Variants in AMOT observed in about 807,000 individuals in gnomAD.
AMOT encodes angiomotin.
Under a neutral mutation model 67.0 loss-of-function variants are expected in AMOT, and 11 were observed. The ratio of observed to expected loss-of-function variants is 0.16; its 90% confidence interval spans 0.10 to 0.27. The LOEUF (loss-of-function observed/expected upper bound fraction) is 0.27, where lower values mean the gene tolerates loss of function less well. AMOT is among the 10% of genes least tolerant of loss of function. The pLI is 1.00. For synonymous variants in AMOT, 326 were observed against 321.4 expected (o/e 1.01, Z -0.15); for missense variants, 753 against 852.0 (o/e 0.88, Z 1.45).
intron 1 of AMOT, among the ~76,000 whole-genome samples, chrX:112,838,583 T>G (rs191102713): frequency 3.1e-3 from 355 of 112,706 alleles, no homozygotes; most frequent in African/African-American, 0.011. Flanking sequence ...CAAATGTCCT[T>G]GTTGGGAATT....
chrX:112,804,310 G>T (rs1377188260), intron 8 of AMOT, among the ~76,000 whole-genome samples: 3 of 110,696 alleles, frequency 2.7e-5, no homozygotes, highest in Non-Finnish European at 5.7e-5. Flanking sequence ...GAAATAAGCT[G>T]TAAACTGTCC....
Position 112,836,639 on chromosome X carries a change from G to A in AMOT, c.-289+3813C>T, listed in dbSNP as rs556783436. ...CTCTTAGGATGATGGAATTCTTGAA[G>A]TTTTGGACAGAGTCTTAGCTTCTTA... On this transcript the variant is annotated intron_variant, in intron 1 of 13. Coordinates refer to ENST00000371959, the MANE Select transcript of AMOT (RefSeq NM_001113490.2). 3.9e-4 allele frequency among the ~76,000 whole-genome samples: 43 copies of A among 110,931 alleles called. 1 individual carries two copies. The highest frequency in any genetic ancestry group is 1.3e-3 in the African/African-American group (41 of 30,520).
chrX:112,832,262 T>G (rs1428044737), intron 2 of AMOT, 32 bp downstream of exon 2: 1 of 111,790 alleles, frequency 8.9e-6, no homozygotes, highest in African/African-American at 3.3e-5. Flanking sequence ...AAGAAAGACA[T>G]GGAATAACAA....
Position 112,800,822 on chromosome X carries a change from A to G in AMOT, c.1776+4125T>C, listed in dbSNP as rs1034850366. Among the ~76,000 whole-genome samples the G allele has an allele frequency of 2.7e-5, 3 of 112,123 alleles. No individual in the cohort carries two copies. The East Asian group carries it at 8.4e-4, about 31-fold the overall frequency. Reference sequence around the variant, plus strand: ...ATTGCAATGGGACTCCAGAAAATGCACTGGCTACTCCAATACGAGCTATCA... The same window carrying G: ...ATTGCAATGGGACTCCAGAAAATGCGCTGGCTACTCCAATACGAGCTATCA... On this transcript the variant is annotated intron_variant, in intron 8 of 13. Coordinates refer to ENST00000371959, the MANE Select transcript of AMOT (RefSeq NM_001113490.2).
chrX:112,833,485 G>T (rs911227095), intron 1 of AMOT, among the ~76,000 whole-genome samples: 1 of 102,813 alleles, frequency 9.7e-6, no homozygotes, highest in Admixed American at 1.1e-4. Flanking sequence ...TAAAGGGGGG[G>T]GGGGGGTCAT....
chrX:112,779,412 A>G lies in AMOT; in HGVS notation c.2742T>C (p.Ala914=). 2.7e-6 allele frequency: 3 copies of G among 1,104,832 alleles called. No homozygotes were observed. The highest frequency in any genetic ancestry group is 3.7e-6 in the Non-Finnish European group (3 of 812,911). The allele number at this position is 1,104,832 out of a possible 1,213,427, so 91.1% of individuals were successfully genotyped here. Residue 914 remains alanine (A), a synonymous_variant, in exon 13 of 14, where the codon GCT becomes GCC. Coordinates refer to ENST00000371959, the MANE Select transcript of AMOT (RefSeq NM_001113490.2). ...CAGCTGGAGCAGCAGCAGCAGCAAC[A>G]GCAACTGGAGCAGCAGCTACCATGG... The part of the protein sequence containing the change: ...TTTMVAAAPV[A]VAAAAAPAAA...
chrX:112,804,867 C>A, intron 8 of AMOT, 80 bp downstream of exon 8: 1 of 1,162,248 alleles, frequency 8.6e-7, no homozygotes, highest in Non-Finnish European at 1.2e-6. Context: ...GCTGCCAATT[C>A]ACCACAATGT....
chrX:112,826,852 T>G (rs1209685252), intron 2 of AMOT, among the ~76,000 whole-genome samples: 2 of 111,940 alleles, frequency 1.8e-5, no homozygotes, highest in African/African-American at 6.5e-5. Context: ...TCTGTATCCT[T>G]TTCTTATTTA....
chrX:112,816,275 C>T (rs1310437234), intron 4 of AMOT, among the ~76,000 whole-genome samples: 1 of 111,508 alleles, frequency 9.0e-6, no homozygotes, highest in Non-Finnish European at 1.9e-5. Context: ...ACATTATACA[C>T]GTGGTCCAGC....
intron 2 of AMOT, among the ~76,000 whole-genome samples, chrX:112,829,531 C>T (rs184501481): frequency 6.3e-5 from 7 of 111,810 alleles, no homozygotes; most frequent in East Asian, 2.8e-4. Context: ...ACCCTGTCTC[C>T]GGTACTTCTT....
At chrX:112,817,063 G>A (rs954627220) in intron 4 of AMOT, among the ~76,000 whole-genome samples, 9 of 111,787 alleles carry the variant, frequency 8.1e-5, no homozygotes, top group Non-Finnish European at 1.3e-4. Context: ...AACCTCATAT[G>A]CTCCCATGTC....
At chrX:112,818,104 A>G (rs2147817751) in intron 4 of AMOT, among the ~76,000 whole-genome samples, 1 of 111,487 alleles carries the variant, frequency 9.0e-6, no homozygotes, top group South Asian at 3.8e-4. Context: ...ATTTTAAGGG[A>G]AAAAAATCAC....
intron 2 of AMOT, among the ~76,000 whole-genome samples, chrX:112,829,221 A>G (rs1464117368): frequency 8.9e-6 from 1 of 111,738 alleles, no homozygotes; most frequent in Non-Finnish European, 1.9e-5. Flanking sequence ...GTCCCTGCCC[A>G]AATCTCATGT....
Position 112,822,178 on chromosome X carries a change from T to C in AMOT, c.872+77A>G, listed in dbSNP as rs1267681285. The C allele has an allele frequency of 1.4e-5, 15 of 1,053,584 alleles. No individual in the cohort carries two copies. The Admixed American group carries it at 5.7e-4, about 40-fold the overall frequency. 86.8% of individuals were successfully genotyped at this position (1,053,584 alleles called of 1,213,427 possible). A position where few individuals can be genotyped will look rare whatever the true frequency, so the allele number is the denominator to read the frequency against. ...GTTATATCAAACACCTGCCCGTTCCTTCCCTAAGATTCCCAACACACAGCA... is the reference window on the plus strand; with the variant it reads ...GTTATATCAAACACCTGCCCGTTCCCTCCCTAAGATTCCCAACACACAGCA... On this transcript the variant is annotated intron_variant, in intron 4 of 13. Coordinates refer to ENST00000371959, the MANE Select transcript of AMOT (RefSeq NM_001113490.2).
intron 1 of AMOT, among the ~76,000 whole-genome samples, chrX:112,835,868 G>C (rs1425331807): frequency 9.0e-6 from 1 of 111,380 alleles, no homozygotes; most frequent in Non-Finnish European, 1.9e-5. Context: ...ACAGGTGTGA[G>C]CTACCATGCC....
intron 8 of AMOT, among the ~76,000 whole-genome samples, chrX:112,803,366 A>T (rs1934073562): frequency 8.9e-6 from 1 of 111,772 alleles, no homozygotes; most frequent in African/African-American, 3.3e-5. Flanking sequence ...GTCTTACCCC[A>T]TCCTGTAATT....
chrX:112,829,257 G>A (rs1389588168), intron 2 of AMOT, among the ~76,000 whole-genome samples: 1 of 111,680 alleles, frequency 9.0e-6, no homozygotes, highest in Non-Finnish European at 1.9e-5. Context: ...GGTGGGAGGT[G>A]ATTGGATCAT....
At chrX:112,839,655 T>C (rs1935239479) in intron 1 of AMOT, among the ~76,000 whole-genome samples, 1 of 111,180 alleles carries the variant, frequency 9.0e-6, no homozygotes. Context: ...TTATGCAAAT[T>C]ATTATATTAT....
At chrX:112,806,323 G>A (rs1426786732) in intron 7 of AMOT, among the ~76,000 whole-genome samples, 3 of 99,306 alleles carry the variant, frequency 3.0e-5, no homozygotes, top group Middle Eastern at 4.5e-3. Context: ...ACACACACAC[G>A]TTTTATACAT....
Sources: gnomAD v4.1 joint callset for allele counts (sites outside exome capture counted in the v4.1 genomes callset) on GRCh38, gnomAD v4.1.1 for gene constraint, MANE v1.5 for transcripts, NCBI Gene and HGNC (gene_info 2026-07-23, HGNC 2026-07-21) for gene names.